Variants in SLC9D1 observed in about 807,000 individuals in gnomAD.
SLC9D1 encodes solute carrier family 9 member D1.
At chr13:113,516,757 C>G in the SLC9D1 span, among the ~76,000 whole-genome samples, 1 of 152,098 alleles carries the variant, frequency 6.6e-6, no homozygotes, top group African/African-American at 2.4e-5. Context: ...GGGGCCCAAC[C>G]CTCGAAGGAG....
At chr13:113,499,955 C>G in the SLC9D1 span, 3 of 1,419,588 alleles carry the variant, frequency 2.1e-6, no homozygotes, top group Non-Finnish European at 2.8e-6. Context: ...ATTATTCTTG[C>G]AGGTCAAGGG....
chr13:113,497,483 A>ACAGCTGTGTGAGACCTG, the SLC9D1 span, among the ~76,000 whole-genome samples: 3 of 124,036 alleles, frequency 2.4e-5, no homozygotes, highest in African/African-American at 3.4e-5. Flanking sequence ...TGTGAGACCT[A>ACAGCTGTGTGAGACCTG]CAGCTGTGTG....
At chr13:113,540,703 TGCTTTGCTGGGCGGAA>T in the SLC9D1 span, among the ~76,000 whole-genome samples, 1 of 152,258 alleles carries the variant, frequency 6.6e-6, no homozygotes, top group East Asian at 1.9e-4. Flanking sequence ...TGCTGAGAGC[TGCTTTGCTGGGCGGAA>T]GCTCCTTGGC....
the SLC9D1 span, among the ~76,000 whole-genome samples, chr13:113,547,997 C>T: frequency 9.3e-5 from 12 of 128,780 alleles, no homozygotes; most frequent in Admixed American, 2.8e-4. Context: ...GAGTACCCCA[C>T]GCTTAATGCT....
chr13:113,525,109 T>C, the SLC9D1 span, among the ~76,000 whole-genome samples: 11 of 152,354 alleles, frequency 7.2e-5, no homozygotes, highest in South Asian at 2.3e-3. Flanking sequence ...GTTTTACCAC[T>C]TCATGTGAAA....
the SLC9D1 span, among the ~76,000 whole-genome samples, chr13:113,516,225 T>C: frequency 1.3e-5 from 2 of 152,292 alleles, no homozygotes; most frequent in South Asian, 4.1e-4. Context: ...TGAGATGCAC[T>C]GTATTTTTCT....
the SLC9D1 span, chr13:113,510,533 C>T: frequency 1.0e-6 from 1 of 996,714 alleles, no homozygotes; most frequent in Non-Finnish European, 1.5e-6. Context: ...TCTTATTTCC[C>T]CTCTTAGGAC....
chr13:113,546,573 C>T, the SLC9D1 span, among the ~76,000 whole-genome samples: 8 of 152,128 alleles, frequency 5.3e-5, no homozygotes, highest in African/African-American at 1.9e-4. The surrounding 1 kb of genome is among the most constrained non-coding windows in gnomAD (Gnocchi z 7.1). Context: ...GGTTTGTGAA[C>T]GGCAGAAAGG....
At chr13:113,503,582 A>G in the SLC9D1 span, 2 of 1,611,482 alleles carry the variant, frequency 1.2e-6, no homozygotes. Context: ...CAGAAAAGCT[A>G]AGAAAGGTAA....
the SLC9D1 span, chr13:113,495,455 A>G: frequency 1.5e-6 from 1 of 661,470 alleles, no homozygotes; most frequent in Non-Finnish European, 2.6e-6. Flanking sequence ...TCTGATCAAT[A>G]GTAATGAATC....
At chr13:113,514,176 CCTT>C in the SLC9D1 span, 1 of 152,118 alleles carries the variant, frequency 6.6e-6, no homozygotes, top group Non-Finnish European at 1.5e-5. Flanking sequence ...GACTTTGTAA[CCTT>C]CTTTTTCATA....
At chr13:113,548,558 GC>G in the SLC9D1 span, 1 of 1,275,594 alleles carries the variant, frequency 7.8e-7, no homozygotes, top group Non-Finnish European at 1.1e-6. Flanking sequence ...GGGCCTGGGG[GC>G]AGGGTCCTCC....
At chr13:113,529,143 G>A in the SLC9D1 span, 27 of 152,158 alleles carry the variant, frequency 1.8e-4, no homozygotes, top group African/African-American at 6.5e-4. Flanking sequence ...CACTTTTAAA[G>A]CTTTTTTTTC....
the SLC9D1 span, among the ~76,000 whole-genome samples, chr13:113,494,093 G>A: frequency 6.6e-6 from 1 of 152,192 alleles, no homozygotes; most frequent in Non-Finnish European, 1.5e-5. Flanking sequence ...TAGTAACCAG[G>A]TTTCCAGGTC....
At chr13:113,498,306 AAT>A in the SLC9D1 span, 1 of 1,430,572 alleles carries the variant, frequency 7.0e-7, no homozygotes, top group Non-Finnish European at 9.3e-7. Context: ...CTTATTTCTT[AAT>A]ATATCTCACT....
chr13:113,535,083 A>C, the SLC9D1 span: 1 of 152,304 alleles, frequency 6.6e-6, no homozygotes, highest in Non-Finnish European at 1.5e-5. The surrounding 1 kb of genome is among the most constrained non-coding windows in gnomAD (Gnocchi z 4.1). Context: ...ACCCCATATC[A>C]AAACAAACAA....
the SLC9D1 span, chr13:113,504,249 G>C: frequency 6.6e-6 from 1 of 152,110 alleles, no homozygotes; most frequent in African/African-American, 2.4e-5. Flanking sequence ...GAAAGACTTG[G>C]TCATTTTAAA....
chr13:113,517,826 G>A, the SLC9D1 span, among the ~76,000 whole-genome samples: 2 of 150,896 alleles, frequency 1.3e-5, no homozygotes, highest in Non-Finnish European at 3.0e-5. Context: ...GGGAAGAGGG[G>A]CCCCACAGCA....
At chr13:113,546,987 T>G in the SLC9D1 span, among the ~76,000 whole-genome samples, 1 of 152,142 alleles carries the variant, frequency 6.6e-6, no homozygotes, top group South Asian at 2.1e-4. The surrounding 1 kb of genome is among the most constrained non-coding windows in gnomAD (Gnocchi z 7.1). Context: ...AGCTGGAATA[T>G]TTCCTGAAGG....
Sources: allele counts gnomAD v4.1 joint callset (sites outside exome capture counted in the v4.1 genomes callset), GRCh38; gene constraint gnomAD v4.1.1; non-coding constraint Gnocchi (gnomAD v3.1); transcripts MANE v1.5; gene names NCBI Gene and HGNC (gene_info 2026-07-23, HGNC 2026-07-21).